Variants in KCNT2 observed in about 807,000 individuals in gnomAD.
The protein encoded by KCNT2 is potassium sodium-activated channel subfamily T member 2, also known as potassium channel subfamily T member 2.
In KCNT2, 67 loss-of-function variants were observed where a neutral mutation model predicts 153.8. The observed-to-expected ratio is 0.44, with a 90% CI of 0.36 to 0.53. KCNT2 has a LOEUF of 0.53. Ranked by LOEUF, KCNT2 falls within the 20% of genes least tolerant of loss-of-function variation. The pLI, the probability that KCNT2 is intolerant of heterozygous loss-of-function variation, is 0.00. For missense variants in KCNT2, 975 were observed against 1,354.8 expected (o/e 0.72, Z 4.40); for synonymous variants, 500 against 458.8 (o/e 1.09, Z -1.15).
chr1:196,522,079 A>G (rs2148824685), intron 1 of KCNT2, among the ~76,000 whole-genome samples: 1 of 152,372 alleles, frequency 6.6e-6, no homozygotes, highest in Non-Finnish European at 1.5e-5. Context: ...ACCACAGAAT[A>G]TAATAATCAC....
chr1:196,339,528 G>C (rs981551319), intron 16 of KCNT2, among the ~76,000 whole-genome samples: 3 of 150,604 alleles, frequency 2.0e-5, no homozygotes, highest in Admixed American at 6.6e-5. Flanking sequence ...CACAGAGAGA[G>C]AGAGAGAGAG....
At position 196,523,951 on chromosome 1, in the gene KCNT2, G is replaced by A. The variant is rs1653833916; in HGVS notation, c.96-31610C>T. ...CTCTTACTTGTTGACCCTCATTATA[G>A]GTTAACTTCCTCCTTTTTTCTCTTG... On this transcript the variant is annotated intron_variant, in intron 1 of 27. Coordinates refer to ENST00000294725, the MANE Select transcript of KCNT2 (RefSeq NM_198503.5). Among the ~76,000 whole-genome samples the A allele has an allele frequency of 3.3e-5, 5 of 152,262 alleles. No individual in the cohort carries two copies. In the South Asian group the frequency reaches 8.3e-4, roughly 25 times the overall value.
intron 27 of KCNT2, 90 bp downstream of exon 27, chr1:196,235,895 TA>T: frequency 1.4e-6 from 1 of 732,426 alleles, no homozygotes; most frequent in East Asian, 2.5e-5. Context: ...ATAAGAAAAA[TA>T]AGAGGCTATT....
intron 8 of KCNT2, among the ~76,000 whole-genome samples, chr1:196,436,616 CAT>C (rs749821698): frequency 9.3e-5 from 14 of 151,312 alleles, no homozygotes; most frequent in Admixed American, 2.0e-4. Flanking sequence ...TTCATTCACA[CAT>C]GTCTTTGGAG....
chr1:196,239,685 T>A (rs1053529698), intron 26 of KCNT2, among the ~76,000 whole-genome samples: 1 of 152,184 alleles, frequency 6.6e-6, no homozygotes. Context: ...AGACAGAAAT[T>A]TAAATATTTT....
At chr1:196,258,103 T>C (rs1466768453) in intron 26 of KCNT2, 91 bp downstream of exon 26, 7 of 1,493,090 alleles carry the variant, frequency 4.7e-6, no homozygotes, top group Non-Finnish European at 5.3e-6. Flanking sequence ...GAAGCAAAAA[T>C]TCAATTCTTT....
chr1:196,568,630 C>T (rs1425451714), intron 1 of KCNT2, among the ~76,000 whole-genome samples: 1 of 151,572 alleles, frequency 6.6e-6, no homozygotes, highest in East Asian at 1.9e-4. Context: ...AACACGCCAC[C>T]ACAGATCTGA....
intron 8 of KCNT2, among the ~76,000 whole-genome samples, chr1:196,453,561 A>G (rs1424991383): frequency 6.6e-6 from 1 of 152,074 alleles, no homozygotes; most frequent in East Asian, 1.9e-4. Context: ...ACTGACTGAA[A>G]CAGTCTGACT....
chr1:196,510,119 A>G (rs1328092205), intron 1 of KCNT2, among the ~76,000 whole-genome samples: 1 of 152,188 alleles, frequency 6.6e-6, no homozygotes, highest in Non-Finnish European at 1.5e-5. Flanking sequence ...AAGTAAAAGG[A>G]ATTAAAATGG....
At chr1:196,352,391 T>C (rs540741266) in intron 14 of KCNT2, among the ~76,000 whole-genome samples, 87 of 152,052 alleles carry the variant, frequency 5.7e-4, no homozygotes, top group Admixed American at 2.6e-3. Context: ...GATCCTGTTA[T>C]TGGTCTATTC....
intron 1 of KCNT2, among the ~76,000 whole-genome samples, chr1:196,571,291 G>T (rs1660750748): frequency 6.6e-6 from 1 of 152,030 alleles, no homozygotes; most frequent in Non-Finnish European, 1.5e-5. Flanking sequence ...AAGAATTTAG[G>T]CAGCATGAGA....
At chr1:196,511,116 AACACACACACACAC>A (rs35177032) in intron 1 of KCNT2, among the ~76,000 whole-genome samples, 74 of 146,570 alleles carry the variant, frequency 5.0e-4, no homozygotes, top group African/African-American at 1.5e-3. Flanking sequence ...AAACACACAC[AACACACACACACAC>A]ACACACACAC....
At chr1:196,543,592 A>C (rs11590167) in intron 1 of KCNT2, among the ~76,000 whole-genome samples, 5,453 of 152,256 alleles carry the variant, frequency 0.036, 142 homozygotes, top group Middle Eastern at 0.092. Context: ...ATCTTTGAAG[A>C]ATCATACTGT....
chr1:196,438,127 G>C (rs1674890247), intron 8 of KCNT2, among the ~76,000 whole-genome samples: 1 of 151,596 alleles, frequency 6.6e-6, no homozygotes, highest in African/African-American at 2.4e-5. Context: ...TGAAATGTCT[G>C]GGATAGAATA....
At chr1:196,308,876 T>A (rs144739761) in intron 21 of KCNT2, among the ~76,000 whole-genome samples, 28 of 152,152 alleles carry the variant, frequency 1.8e-4, no homozygotes, top group African/African-American at 6.5e-4. Flanking sequence ...TCAACTCTTT[T>A]AAAAATAACG....
At chr1:196,323,383 T>A (rs1372297452) in intron 19 of KCNT2, among the ~76,000 whole-genome samples, 1 of 151,896 alleles carries the variant, frequency 6.6e-6, no homozygotes, top group African/African-American at 2.4e-5. Context: ...TTTTCTATCT[T>A]TCACATGAGA....
intron 1 of KCNT2, among the ~76,000 whole-genome samples, chr1:196,571,224 G>C (rs960002824): frequency 1.3e-5 from 2 of 152,042 alleles, no homozygotes; most frequent in Admixed American, 1.3e-4. Context: ...ACAGAAAATA[G>C]AGGAATAAGT....
intron 19 of KCNT2, among the ~76,000 whole-genome samples, chr1:196,322,242 T>C (rs905164051): frequency 1.3e-5 from 2 of 151,860 alleles, no homozygotes; most frequent in Non-Finnish European, 2.9e-5. Context: ...ACATAGCTCA[T>C]TACAAACAGA....
intron 16 of KCNT2, among the ~76,000 whole-genome samples, chr1:196,339,952 G>T (rs1428367232): frequency 6.6e-6 from 1 of 151,932 alleles, no homozygotes; most frequent in Non-Finnish European, 1.5e-5. Context: ...AAATATAAAA[G>T]TGTGTGGTGC....
Sources: allele counts gnomAD v4.1 joint callset (sites outside exome capture counted in the v4.1 genomes callset), GRCh38; gene constraint gnomAD v4.1.1; transcripts MANE v1.5; gene names NCBI Gene and HGNC (gene_info 2026-07-23, HGNC 2026-07-21).